The following PPARG variants were observed in gnomAD, a reference collection of about 807,000 sequenced individuals.
PPARG encodes the protein peroxisome proliferator activated receptor gamma, also known as peroxisome proliferator-activated receptor gamma.
In PPARG, 17 loss-of-function variants were observed where a neutral mutation model predicts 39.2. That is an observed-to-expected ratio of 0.43 (90% CI 0.30 to 0.65). The LOEUF is 0.65. Among genes scored for constraint, PPARG ranks in the 30% least tolerant of loss-of-function variants. The pLI is 0.13. For synonymous variants in PPARG, 223 were observed against 215.7 expected (o/e 1.03, Z -0.30); for missense variants, 406 against 585.9 (o/e 0.69, Z 3.17).
intron 1 of PPARG, among the ~76,000 whole-genome samples, chr3:12,295,780 G>T (rs1005571061): frequency 6.6e-6 from 1 of 151,992 alleles, no homozygotes; most frequent in South Asian, 2.1e-4. Flanking sequence ...CTCCCAAAGT[G>T]CTGGGATTAT....
chr3:12,301,583 A>T (rs1418685957), intron 1 of PPARG: 2 of 152,190 alleles, frequency 1.3e-5, no homozygotes, highest in Admixed American at 6.5e-5. Flanking sequence ...TATACAAGCA[A>T]AGCAAATAGA....
At chr3:12,377,537 A>G (rs1297109466) in intron 2 of PPARG, among the ~76,000 whole-genome samples, 2 of 152,150 alleles carry the variant, frequency 1.3e-5, no homozygotes, top group African/African-American at 4.8e-5. Context: ...TTATTTTTGT[A>G]TTATTTTAAG....
At chr3:12,294,023 A>C (rs1300047042) in intron 1 of PPARG, among the ~76,000 whole-genome samples, 1 of 152,218 alleles carries the variant, frequency 6.6e-6, no homozygotes, top group Non-Finnish European at 1.5e-5. Context: ...TCACTAAACC[A>C]CTATCAGCAA....
intron 2 of PPARG, among the ~76,000 whole-genome samples, chr3:12,365,183 G>A (rs966708884): frequency 1.3e-5 from 2 of 152,218 alleles, no homozygotes; most frequent in African/African-American, 2.4e-5. Context: ...TGGAGCTCAG[G>A]CTATAATGCT....
intron 1 of PPARG, among the ~76,000 whole-genome samples, chr3:12,295,364 GAAGAGTGAAGAAAATACCC>G (rs1321673844): frequency 6.6e-6 from 1 of 152,246 alleles, no homozygotes; most frequent in African/African-American, 2.4e-5. Context: ...GTATAATCCA[GAAGAGTGAAGAAAATACCC>G]AGGCATTTGG....
rs2046584117 is a variant in PPARG at position 12,289,108 on chromosome 3, G to C, written c.-109G>C. The C allele has an allele frequency of 6.6e-6, 1 of 152,210 alleles. No homozygotes were observed. Among genetic ancestry groups the C allele is most frequent in the African/African-American group, 2.4e-5 (1 of 41,442 alleles). The allele number at this position is 152,210 out of a possible 1,614,324, so 9.4% of individuals were successfully genotyped here. ...CTGGTGACCAGAAGCCTGCATTTCT[G>C]CATTCTGCTTAATTCCCTTTCCTTA... On this transcript the variant is annotated 5_prime_UTR_variant, in exon 1 of 8. Transcript: ENST00000651735.
At chr3:12,304,812 T>C (rs1261921620) in intron 1 of PPARG, among the ~76,000 whole-genome samples, 1 of 152,250 alleles carries the variant, frequency 6.6e-6, no homozygotes, top group East Asian at 1.9e-4. Context: ...AGATAGTTTC[T>C]TTAAAGTCGC....
At chr3:12,419,747 A>G (rs945319114) in intron 7 of PPARG, among the ~76,000 whole-genome samples, 4 of 152,170 alleles carry the variant, frequency 2.6e-5, no homozygotes, top group African/African-American at 7.2e-5. Context: ...GATTACAGGC[A>G]TGAGCCACTG....
Position 12,289,886 on chromosome 3 carries a change from A to G in PPARG, c.-83+752A>G, listed in dbSNP as rs187815338. On this transcript the variant is annotated intron_variant, in intron 1 of 7. Transcript: ENST00000651735. ...GTAAGTTTTGTGTAGTATATTTTCA[A>G]TCAGATTCACTTTGGAATCAAATAC... Among the ~76,000 whole-genome samples the G allele has an allele frequency of 1.6e-3, 248 of 152,314 alleles. 1 individual carries two copies. Among genetic ancestry groups the G allele is most frequent in the African/African-American group, 5.7e-3 (237 of 41,574 alleles).
At chr3:12,302,692 T>C (rs2046959204) in intron 1 of PPARG, among the ~76,000 whole-genome samples, 1 of 152,134 alleles carries the variant, frequency 6.6e-6, no homozygotes, top group Admixed American at 6.5e-5. Context: ...GAAACATGGT[T>C]GGAAGTGTAG....
At chr3:12,380,816 C>T (rs962727578) in intron 3 of PPARG, among the ~76,000 whole-genome samples, 1 of 152,148 alleles carries the variant, frequency 6.6e-6, no homozygotes, top group Non-Finnish European at 1.5e-5. Context: ...TGACTGAACA[C>T]TAATGGTAAC....
At chr3:12,288,199 C>T (rs2046556417), upstream of PPARG, among the ~76,000 whole-genome samples, 1 of 151,528 alleles carries the variant, frequency 6.6e-6, no homozygotes, top group South Asian at 2.1e-4. Context: ...CTGAGGGGTC[C>T]GGGGCTGAGG....
intron 7 of PPARG, among the ~76,000 whole-genome samples, chr3:12,431,843 A>C (rs1255065612): frequency 6.6e-6 from 1 of 152,132 alleles, no homozygotes; most frequent in East Asian, 1.9e-4. Context: ...GGGAGGCTAA[A>C]GCAGGAGGAT....
chr3:12,402,756 C>T (rs920541058), intron 5 of PPARG, among the ~76,000 whole-genome samples: 7 of 152,094 alleles, frequency 4.6e-5, no homozygotes, highest in Non-Finnish European at 8.8e-5. Flanking sequence ...GGCTCTGCCT[C>T]CCCTACCCTC....
At chr3:12,410,854 T>TA (rs538312706) in intron 6 of PPARG, among the ~76,000 whole-genome samples, 45 of 152,344 alleles carry the variant, frequency 3.0e-4, no homozygotes, top group African/African-American at 9.9e-4. Context: ...ATCCTACACT[T>TA]ACAGCTAAAC....
chr3:12,401,708 TG>T (rs2050480475), intron 5 of PPARG, among the ~76,000 whole-genome samples: 1 of 152,280 alleles, frequency 6.6e-6, no homozygotes, highest in South Asian at 2.1e-4. Context: ...TCTCACCAAA[TG>T]GGATCGATTT....
At chr3:12,348,738 A>G (rs562327517) in intron 2 of PPARG, among the ~76,000 whole-genome samples, 2 of 152,324 alleles carry the variant, frequency 1.3e-5, no homozygotes, top group East Asian at 3.9e-4. Context: ...ACCAAGGACT[A>G]TCCTGCAAGG....
At chr3:12,356,075 G>T (rs1233109064) in intron 2 of PPARG, among the ~76,000 whole-genome samples, 1 of 152,126 alleles carries the variant, frequency 6.6e-6, no homozygotes, top group Non-Finnish European at 1.5e-5. Context: ...TGTCCTGTTA[G>T]CTCCCTTTGG....
In PPARG at chr3:12,367,696, AT is replaced by A. The variant is rs1420638893; in HGVS notation, c.-8-12007del. Among the ~76,000 whole-genome samples the A allele has an allele frequency of 1.1e-4, 17 of 150,430 alleles. No individual in the cohort carries two copies. In the South Asian group the frequency reaches 1.3e-3, roughly 11 times the overall value. On this transcript the variant is annotated intron_variant, in intron 2 of 7. Coordinates refer to ENST00000651735, the MANE Select transcript of PPARG (RefSeq NM_138711.6). ...ATACCTTGCCTCTACAAAAAAAAAAATAAAAATAAAAAAATAAAAATAAAAA... is the reference window on the plus strand; with the variant it reads ...ATACCTTGCCTCTACAAAAAAAAAAAAAAAATAAAAAAATAAAAATAAAAA...
Sources: allele counts gnomAD v4.1 joint callset (sites outside exome capture counted in the v4.1 genomes callset), GRCh38; gene constraint gnomAD v4.1.1; transcripts MANE v1.5; gene names NCBI Gene and HGNC (gene_info 2026-07-23, HGNC 2026-07-21).